Variants in HINT3 observed in about 807,000 individuals in gnomAD.
HINT3 encodes histidine triad nucleotide binding protein 3.
HINT3 carries 16 observed loss-of-function variants against 19.1 expected under a neutral mutation model. That is an observed-to-expected ratio of 0.84 (90% confidence interval 0.57 to 1.27). The LOEUF is 1.27. HINT3 is among the 50% of genes most tolerant of loss of function. HINT3 has a pLI of 0.00. For synonymous variants in HINT3, 75 were observed against 84.8 expected, an observed-to-expected ratio of 0.88 and a Z score of 0.63; for missense variants, 197 against 225.8, an observed-to-expected ratio of 0.87 and a Z score of 0.82.
intron 1 of HINT3, among the ~76,000 whole-genome samples, chr6:125,964,735 TATACAC>T (rs1343071646): frequency 6.6e-5 from 5 of 75,626 alleles, no homozygotes; most frequent in African/African-American, 2.8e-4. Flanking sequence ...AGAATAGTTT[TATACAC>T]ACACACACAC....
intron 4 of HINT3, among the ~76,000 whole-genome samples, chr6:125,975,207 G>A (rs1268605735): frequency 1.3e-5 from 2 of 152,134 alleles, no homozygotes; most frequent in Admixed American, 6.5e-5. Flanking sequence ...TAGCAGATAC[G>A]ATATAGAAGA....
At chr6:125,973,064 A>AATTT (rs1562214989) in intron 3 of HINT3, among the ~76,000 whole-genome samples, 2 of 72,562 alleles carry the variant, frequency 2.8e-5, no homozygotes, top group African/African-American at 1.2e-4. Flanking sequence ...CAATTTTTCA[A>AATTT]CTTTTTTTTT....
At chr6:125,970,089 T>G (rs1276816630) in intron 2 of HINT3, among the ~76,000 whole-genome samples, 1 of 152,164 alleles carries the variant, frequency 6.6e-6, no homozygotes, top group African/African-American at 2.4e-5. Flanking sequence ...ATAGATCAAT[T>G]GGGCTAGATT....
At chr6:125,972,383 A>T in intron 3 of HINT3, 55 bp downstream of exon 3, 1 of 1,077,998 alleles carries the variant, frequency 9.3e-7, no homozygotes, top group Non-Finnish European at 1.3e-6. Context: ...GTTTTTCAAA[A>T]TGTCATTTCT....
intron 2 of HINT3, among the ~76,000 whole-genome samples, chr6:125,970,139 G>A (rs968096122): frequency 1.3e-5 from 2 of 152,124 alleles, no homozygotes; most frequent in Admixed American, 1.3e-4. Context: ...AAACCTTGAT[G>A]TGTAGTTCAT....
intron 1 of HINT3, among the ~76,000 whole-genome samples, chr6:125,962,215 T>TATATATATATATATACAC: frequency 4.7e-5 from 1 of 21,406 alleles, no homozygotes; most frequent in African/African-American, 2.3e-4. Context: ...TATATACACA[T>TATATATATATATATACAC]ATATATATAT....
At position 125,977,882 on chromosome 6, in the gene HINT3, T is replaced by G. The variant is rs562396311; in HGVS notation, c.*206T>G. The G allele has an allele frequency of 2.3e-5, 9 of 387,962 alleles. No homozygotes were observed. The highest frequency in any genetic ancestry group is 4.2e-5 in the Non-Finnish European group (9 of 214,912). The allele number at this position is 387,962 out of a possible 1,614,324, so 24.0% of individuals were successfully genotyped here. A position where few individuals can be genotyped will look rare whatever the true frequency, so the allele number is the denominator to read the frequency against. Reference sequence around the variant, plus strand: ...TTTGTTACTGACTTGTTTCAATGGTTACTTGTATAAGGATTTTATATATAT... The same window carrying G: ...TTTGTTACTGACTTGTTTCAATGGTGACTTGTATAAGGATTTTATATATAT... On this transcript the variant is annotated 3_prime_UTR_variant, in exon 5 of 5. Coordinates refer to ENST00000229633, the MANE Select transcript of HINT3 (RefSeq NM_138571.5).
chr6:125,962,215 T>TATATATATATATATATATACAC (rs1562212104), intron 1 of HINT3, among the ~76,000 whole-genome samples: 7 of 21,398 alleles, frequency 3.3e-4, no homozygotes, highest in Admixed American at 6.3e-4. Context: ...TATATACACA[T>TATATATATATATATATATACAC]ATATATATAT....
rs1291842083 is a variant in HINT3, at chr6:125,972,398, G to A, written c.389+70G>A. On this transcript the variant is annotated intron_variant, in intron 3 of 4. Coordinates refer to ENST00000229633, the MANE Select transcript of HINT3 (RefSeq NM_138571.5). ...GTTTTTCAAAATGTCATTTCTCCAT[G>A]GAAAATGGAAACAGAGGTGGCAGTT... The A allele has an allele frequency of 4.3e-6, 4 of 938,604 alleles. No homozygotes were observed. In the African/African-American group the frequency reaches 5.2e-5, roughly 12 times the overall value. The allele number at this position is 938,604 out of a possible 1,614,324, so 58.1% of individuals were successfully genotyped here.
intron 1 of HINT3, among the ~76,000 whole-genome samples, chr6:125,965,830 T>TA (rs1789009819): frequency 6.6e-6 from 1 of 152,172 alleles, no homozygotes; most frequent in South Asian, 2.1e-4. Context: ...AAACATTCCA[T>TA]GGATATCAAT....
intron 2 of HINT3, among the ~76,000 whole-genome samples, chr6:125,967,696 T>C (rs1034428746): frequency 6.6e-6 from 1 of 152,182 alleles, no homozygotes; most frequent in Non-Finnish European, 1.5e-5. Flanking sequence ...TATGAAAAAT[T>C]ATAAACAAAC....
At chr6:125,964,412 A>C (rs1245934671) in intron 1 of HINT3, among the ~76,000 whole-genome samples, 1 of 152,134 alleles carries the variant, frequency 6.6e-6, no homozygotes, top group African/African-American at 2.4e-5. Flanking sequence ...TCTCCATAAG[A>C]AACTTTTAAA....
Position 125,977,667 on chromosome 6 carries a change from A to G in HINT3, c.540A>G (p.Leu180=), listed in dbSNP as rs1789197740. The G allele has an allele frequency of 2.0e-6, 3 of 1,519,476 alleles. No individual in the cohort carries two copies. The highest frequency in any genetic ancestry group is 2.7e-6 in the Non-Finnish European group (3 of 1,117,790). The allele number at this position is 1,519,476 out of a possible 1,614,324, so 94.1% of individuals were successfully genotyped here. A position where few individuals can be genotyped will look rare whatever the true frequency, so the allele number is the denominator to read the frequency against. ...AGGCTGATCACTTGATTGAAAAACTAAGAACATGAAAATGTCAAGAGTGGA... is the reference window on the plus strand; with the variant it reads ...AGGCTGATCACTTGATTGAAAAACTGAGAACATGAAAATGTCAAGAGTGGA... ...FITADHLIEK[L]RT Residue 180 remains leucine (L), a synonymous_variant, in exon 5 of 5, where the codon CTA becomes CTG. Transcript: ENST00000229633.
In HINT3 at chr6:125,966,971, T is replaced by C. The variant is rs762735911; in HGVS notation, c.286T>C (p.Cys96Arg). ...GGTGCCAAAGAAGCATATTGGAAACTGCAGAACTCTAAGGAAAGATCAAGT... is the reference window on the plus strand; with the variant it reads ...GGTGCCAAAGAAGCATATTGGAAACCGCAGAACTCTAAGGAAAGATCAAGT... Reference protein sequence around the residue: ...LVVPKKHIGNCRTLRKDQVEL... With the variant: ...LVVPKKHIGNRRTLRKDQVEL... Residue 96 changes from cysteine to arginine, a missense_variant, in exon 2 of 5, where the codon TGC (cysteine) becomes CGC (arginine). Transcript: ENST00000229633. 5.2e-5 allele frequency: 83 copies of C among 1,611,374 alleles called. No individual in the cohort carries two copies. Among genetic ancestry groups the C allele is most frequent in the Non-Finnish European group, 6.8e-5 (80 of 1,178,140 alleles).
intron 1 of HINT3, among the ~76,000 whole-genome samples, chr6:125,961,761 G>T (rs1400570724): frequency 6.6e-6 from 1 of 151,994 alleles, no homozygotes; most frequent in African/African-American, 2.4e-5. Flanking sequence ...GCCTTTTATG[G>T]AGTCTTCATT....
rs146906871 is a variant in HINT3 at position 125,969,058 on chromosome 6, C to T, written c.319+2054C>T. On this transcript the variant is annotated intron_variant, in intron 2 of 4. Transcript: ENST00000229633. ...GTTTTTATTGCGTTGCTCTTGAGGACTTAGTCATAAATTGTTTCCCAAGGC... is the reference window on the plus strand; with the variant it reads ...GTTTTTATTGCGTTGCTCTTGAGGATTTAGTCATAAATTGTTTCCCAAGGC... Among the ~76,000 whole-genome samples, 1,508 of 152,130 alleles carry T rather than the reference C, an allele frequency of 9.9e-3. 27 individuals carry two copies. Among genetic ancestry groups the T allele is most frequent in the African/African-American group, 0.034 (1,396 of 41,490 alleles).
intron 3 of HINT3, among the ~76,000 whole-genome samples, chr6:125,973,862 G>T (rs1294830352): frequency 1.3e-5 from 2 of 152,186 alleles, no homozygotes; most frequent in Non-Finnish European, 2.9e-5. Context: ...AAACTTTCTG[G>T]ATCATGGCTT....
In HINT3 at chr6:125,967,010, A is replaced by G. The variant is rs200029047; in HGVS notation, c.319+6A>G. ...GAAAGATCAAGTAGAACTGGGTAAGATGATGGCAGTATTCTTCATGTTTAT... is the reference window on the plus strand; with the variant it reads ...GAAAGATCAAGTAGAACTGGGTAAGGTGATGGCAGTATTCTTCATGTTTAT... On this transcript the variant is annotated splice_donor_region_variant and intron_variant, in intron 2 of 4. Transcript: ENST00000229633. 3 of 1,492,784 alleles carry G rather than the reference A, an allele frequency of 2.0e-6. No homozygotes were observed. Among genetic ancestry groups the G allele is most frequent in the South Asian group, 2.3e-5 (2 of 87,386 alleles). The allele number at this position is 1,492,784 out of a possible 1,614,324, so 92.5% of individuals were successfully genotyped here.
At chr6:125,962,397 G>T (rs1788958691) in intron 1 of HINT3, among the ~76,000 whole-genome samples, 1 of 149,038 alleles carries the variant, frequency 6.7e-6, no homozygotes, top group Non-Finnish European at 1.5e-5. Flanking sequence ...GCTCCCAAAG[G>T]TTGTGTATCT....
Sources: gnomAD v4.1 joint callset for allele counts (sites outside exome capture counted in the v4.1 genomes callset) on GRCh38, gnomAD v4.1.1 for gene constraint, MANE v1.5 for transcripts, NCBI Gene and HGNC (gene_info 2026-07-23, HGNC 2026-07-21) for gene names.